ATP6V0C: variants seen among roughly 807,000 people sequenced by gnomAD.
ATP6V0C encodes the protein ATPase H+ transporting V0 subunit c, also known as V-type proton ATPase 16 kDa proteolipid subunit c.
In ATP6V0C, 2 loss-of-function variants were observed where a neutral mutation model predicts 10.6. The ratio of observed to expected loss-of-function variants is 0.19; its 90% CI spans 0.08 to 0.59. The LOEUF (loss-of-function observed/expected upper bound fraction) is 0.59. Ranked by LOEUF, ATP6V0C falls within the 20% of genes least tolerant of loss-of-function variation. The pLI is 0.90. For synonymous variants in ATP6V0C, 128 were observed against 101.3 expected (o/e 1.26, Z -1.59); for missense variants, 89 against 225.9 (o/e 0.39, Z 3.88).
In ATP6V0C at chr16:2,520,181, C is replaced by G. The variant is rs1034870728; in HGVS notation, c.*436C>G. On this transcript the variant is annotated 3_prime_UTR_variant, in exon 3 of 3. Coordinates refer to ENST00000330398, the MANE Select transcript of ATP6V0C (RefSeq NM_001694.4). ...CGCCCTCACCGCCGGGCCCGTGGCC[C>G]TGCGCGGAGCTGTGTCCAATAAAGT... The G allele has an allele frequency of 2.9e-5, 15 of 512,916 alleles. No homozygotes were observed. Among genetic ancestry groups the G allele is most frequent in the Non-Finnish European group, 4.7e-5 (13 of 278,780 alleles). The allele number at this position is 512,916 out of a possible 1,614,324, so 31.8% of individuals were successfully genotyped here. A position where few individuals can be genotyped will look rare whatever the true frequency, so the allele number is the denominator to read the frequency against.
rs879054334 is a variant in ATP6V0C, at chr16:2,519,885, T to C, written c.*140T>C. On this transcript the variant is annotated 3_prime_UTR_variant, in exon 3 of 3. Coordinates refer to ENST00000330398, the MANE Select transcript of ATP6V0C (RefSeq NM_001694.4). ...TACATGCGCAGTGTCCTAGTGCCCA[T>C]CGTCTGTTTCCCCGGCCTTGCCCCC... 2 of 1,201,060 alleles carry C rather than the reference T, an allele frequency of 1.7e-6. No individual in the cohort carries two copies. Among genetic ancestry groups the C allele is most frequent in the Admixed American group, 1.9e-5 (1 of 51,716 alleles). The allele number at this position is 1,201,060 out of a possible 1,614,324, so 74.4% of individuals were successfully genotyped here. A position where few individuals can be genotyped will look rare whatever the true frequency, so the allele number is the denominator to read the frequency against.
Position 2,519,529 on chromosome 16 carries a change from T to G in ATP6V0C, c.264-12T>G. ...CAGGCTGCTGATGTCAGTCCTCTCTTCTCGCCCCCAGGAGCTTCCTCCAGC... is the reference window on the plus strand; with the variant it reads ...CAGGCTGCTGATGTCAGTCCTCTCTGCTCGCCCCCAGGAGCTTCCTCCAGC... On this transcript the variant is annotated splice_polypyrimidine_tract_variant and intron_variant, in intron 2 of 2. Coordinates refer to ENST00000330398, the MANE Select transcript of ATP6V0C (RefSeq NM_001694.4). The G allele has an allele frequency of 6.5e-7, 1 of 1,544,212 alleles. No homozygotes were observed. The highest frequency in any genetic ancestry group is 8.8e-7 in the Non-Finnish European group (1 of 1,142,662).
chr16:2,519,481 G>T, intron 2 of ATP6V0C, 60 bp from the exon 3 acceptor site: 2 of 1,550,436 alleles, frequency 1.3e-6, no homozygotes, highest in South Asian at 1.2e-5. Context: ...TGGTGACCCG[G>T]ACCCTTGTCT....
intron 1 of ATP6V0C, among the ~76,000 whole-genome samples, chr16:2,515,055 C>T (rs1029944694): frequency 1.3e-5 from 2 of 152,000 alleles, no homozygotes; most frequent in Non-Finnish European, 2.9e-5. Context: ...CCTTCCTTTC[C>T]CTCCCTGAGG....
intron 2 of ATP6V0C, 59 bp from the exon 3 acceptor site, chr16:2,519,482 A>C: frequency 6.5e-6 from 10 of 1,549,154 alleles, no homozygotes; most frequent in Non-Finnish European, 8.7e-6. Context: ...GGTGACCCGG[A>C]CCCTTGTCTC....
chr16:2,518,635 G>GTTTGGCCCTCCTAGGTTAATA (rs2065889700), intron 1 of ATP6V0C, among the ~76,000 whole-genome samples: 1 of 152,144 alleles, frequency 6.6e-6, no homozygotes, highest in African/African-American at 2.4e-5. Context: ...CTGGCAGAAT[G>GTTTGGCCCTCCTAGGTTAATA]TTTGGCCCTC....
chr16:2,519,120 T>C, intron 1 of ATP6V0C, 98 bp from the exon 2 acceptor site: 3 of 1,339,828 alleles, frequency 2.2e-6, no homozygotes, highest in Admixed American at 5.5e-5. Flanking sequence ...TGTGATAACT[T>C]GGGGTGGCCC....
chr16:2,515,947 C>T (rs2065875088), intron 1 of ATP6V0C, among the ~76,000 whole-genome samples: 1 of 152,178 alleles, frequency 6.6e-6, no homozygotes, highest in Non-Finnish European at 1.5e-5. Context: ...GGTCTTTGGG[C>T]AGCCTGACCA....
At chr16:2,516,329 A>C (rs961924799) in intron 1 of ATP6V0C, among the ~76,000 whole-genome samples, 4 of 151,906 alleles carry the variant, frequency 2.6e-5, no homozygotes, top group Non-Finnish European at 5.9e-5. Flanking sequence ...GGCTGGTCTC[A>C]AACTCCTTGT....
intron 2 of ATP6V0C, 69 bp downstream of exon 2, chr16:2,519,470 G>T: frequency 6.4e-7 from 1 of 1,559,298 alleles, no homozygotes. Context: ...TCACCTGTGG[G>T]TGGTGACCCG....
At chr16:2,514,384 G>A (rs2065866264) in intron 1 of ATP6V0C, 1 of 362,656 alleles carries the variant, frequency 2.8e-6, no homozygotes, top group Admixed American at 5.0e-5. Context: ...AGGGCGTGCG[G>A]GCCTGGCCGG....
At chr16:2,515,026 T>C (rs573897354) in intron 1 of ATP6V0C, among the ~76,000 whole-genome samples, 2 of 152,182 alleles carry the variant, frequency 1.3e-5, no homozygotes, top group African/African-American at 4.8e-5. Flanking sequence ...TCCTAATGAA[T>C]GGAGGGGTGA....
At position 2,514,197 on chromosome 16, in the gene ATP6V0C, G is replaced by A. The variant is rs746380060; in HGVS notation, c.79+15G>A. On this transcript the variant is annotated intron_variant, in intron 1 of 2. Coordinates refer to ENST00000330398, the MANE Select transcript of ATP6V0C (RefSeq NM_001694.4). ...GGTCTTCAGCGGTGAGCGCGGCGGCGGGAGGGACTCGGGGGCGGGGGCGCG... is the reference window on the plus strand; with the variant it reads ...GGTCTTCAGCGGTGAGCGCGGCGGCAGGAGGGACTCGGGGGCGGGGGCGCG... The A allele has an allele frequency of 9.1e-6, 14 of 1,542,488 alleles. No individual in the cohort carries two copies. Among genetic ancestry groups the A allele is most frequent in the Non-Finnish European group, 1.1e-5 (13 of 1,144,298 alleles).
intron 1 of ATP6V0C, among the ~76,000 whole-genome samples, chr16:2,515,006 C>G (rs906508043): frequency 6.6e-6 from 1 of 152,082 alleles, no homozygotes; most frequent in African/African-American, 2.4e-5. Flanking sequence ...ACTGAGGCTT[C>G]CAGTTGTGGT....
chr16:2,515,627 C>T (rs1188188226), intron 1 of ATP6V0C, among the ~76,000 whole-genome samples: 1 of 152,186 alleles, frequency 6.6e-6, no homozygotes. Context: ...AGGCTTCTCC[C>T]AACAGGCTGC....
At chr16:2,513,856 C>T (rs977455352), upstream of ATP6V0C, 5 of 364,480 alleles carry the variant, frequency 1.4e-5, no homozygotes, top group African/African-American at 2.2e-5. Context: ...ACGGGCCGGC[C>T]GGGCGTCCCG....
chr16:2,519,583 C>T lies in ATP6V0C; in HGVS notation c.306C>T (p.Ser102=), dbSNP rs751318726. The change falls in exon 3 of 3, where the codon AGC becomes AGT. Residue 102 remains serine (S), a synonymous_variant. Transcript: ENST00000330398. ...QLGAGLSVGL[S]GLAAGFAIGI... is the part of the protein sequence containing the mutation. ...GCGCCGGCCTGAGCGTGGGCCTGAG[C>T]GGCCTGGCAGCCGGCTTTGCCATCG... 12 of 1,580,198 alleles carry T rather than the reference C, an allele frequency of 7.6e-6. No homozygotes were observed. Among genetic ancestry groups the T allele is most frequent in the East Asian group, 4.5e-5 (2 of 44,310 alleles).
chr16:2,517,105 C>G (rs1596983754), intron 1 of ATP6V0C: 1 of 152,580 alleles, frequency 6.6e-6, no homozygotes, highest in African/African-American at 2.4e-5. Flanking sequence ...CTGCCATGCT[C>G]TGGTCTCTTG....
intron 1 of ATP6V0C, among the ~76,000 whole-genome samples, chr16:2,518,300 A>G (rs2065886912): frequency 6.6e-6 from 1 of 152,256 alleles, no homozygotes; most frequent in Non-Finnish European, 1.5e-5. Flanking sequence ...ACTGAAAAGA[A>G]AGGCAACATT....
Sources: allele counts gnomAD v4.1 joint callset (sites outside exome capture counted in the v4.1 genomes callset), GRCh38; gene constraint gnomAD v4.1.1; transcripts MANE v1.5; gene names NCBI Gene and HGNC (gene_info 2026-07-23, HGNC 2026-07-21).